The following SPATA31C1 variants were observed in gnomAD, a reference collection of about 807,000 sequenced individuals.
The protein encoded by SPATA31C1 is spermatogenesis-associated protein 31C1.
At chr9:87,915,597 G>A (rs1219064912) in intron 1 of SPATA31C1, among the ~76,000 whole-genome samples, 7 of 145,398 alleles carry the variant, frequency 4.8e-5, no homozygotes, top group African/African-American at 1.8e-4. Context: ...CACCGCGCCC[G>A]GCTGATCCTT....
In SPATA31C1 at chr9:87,920,569, A is replaced by G. The variant is rs202077057; in HGVS notation, n.959A>G. 1.9e-4 allele frequency: 299 copies of G among 1,612,308 alleles called. 2 individuals carry two copies. In the African/African-American group the frequency reaches 2.8e-3, roughly 15 times the overall value. ...CCTGCACTTTTCCCTCACCCACCAC[A>G]CACCCCTGATCCTCTGGCCTGCTCT... is the stretch of plus-strand genomic sequence containing the variant. On this transcript the variant is annotated non_coding_transcript_exon_variant, in exon 5 of 5. Transcript: ENST00000420021.
chr9:87,919,127 G>A lies in SPATA31C1; in HGVS notation n.523-164G>A, dbSNP rs769828859. ...ATCATCCATTTAAACATGAGTGGGAGGGGAGAAAGCACACAGAGCTCCCTG... is the reference window on the plus strand; with the variant it reads ...ATCATCCATTTAAACATGAGTGGGAAGGGAGAAAGCACACAGAGCTCCCTG... On this transcript the variant is annotated intron_variant and non_coding_transcript_variant, in intron 2 of 4. Transcript: ENST00000420021. 60 of 1,387,592 alleles carry A rather than the reference G, an allele frequency of 4.3e-5. No homozygotes were observed. The African/African-American group carries it at 6.3e-4, about 15-fold the overall frequency. The allele number at this position is 1,387,592 out of a possible 1,614,324, so 86.0% of individuals were successfully genotyped here.
intron 2 of SPATA31C1, 114 bp from the exon 2 acceptor site, chr9:87,919,141 C>G (rs1488734644): frequency 6.7e-7 from 1 of 1,489,780 alleles, no homozygotes; most frequent in Non-Finnish European, 9.2e-7. Flanking sequence ...AGAAAGCACA[C>G]AGAGCTCCCT....
chr9:87,921,135 A>G lies in SPATA31C1; in HGVS notation n.1525A>G, dbSNP rs1336454988. 4 of 1,611,704 alleles carry G rather than the reference A, an allele frequency of 2.5e-6. No individual in the cohort carries two copies. In the South Asian group the frequency reaches 3.3e-5, roughly 13 times the overall value. The stretch of plus-strand genomic sequence containing the variant: ...GCACCCTGAAAGGCCTTTGTTGAGG[A>G]AACAACTAGAAGGTGGGTTGGCTTT... On this transcript the variant is annotated non_coding_transcript_exon_variant, in exon 5 of 5. Transcript: ENST00000420021.
chr9:87,922,610 G>T (rs1261637805), exon 5 of SPATA31C1: 3 of 1,609,018 alleles, frequency 1.9e-6, no homozygotes, highest in East Asian at 2.2e-5. Context: ...CAGAGAATTT[G>T]GCTTCTCAAG....
rs1472058068 is a variant in SPATA31C1, at chr9:87,915,727, T to C, written n.189+1017T>C. On this transcript the variant is annotated intron_variant and non_coding_transcript_variant, in intron 1 of 4. Transcript: ENST00000420021. ...GCACTTTTTTCAAAAGTCAGTTGGT[T>C]GTACTTGTATGGAACTATTTCTGAG... is the stretch of plus-strand genomic sequence containing the variant. Among the ~76,000 whole-genome samples, 6 of 143,434 alleles carry C rather than the reference T, an allele frequency of 4.2e-5. 1 individual carries two copies. Among genetic ancestry groups the C allele is most frequent in the African/African-American group, 1.3e-4 (5 of 39,402 alleles). The allele number at this position is 143,434 out of a possible 152,430, so 94.1% of individuals were successfully genotyped here. A position where few individuals can be genotyped will look rare whatever the true frequency, so the allele number is the denominator to read the frequency against.
intron 1 of SPATA31C1, among the ~76,000 whole-genome samples, chr9:87,916,395 T>C (rs1373507176): frequency 6.7e-6 from 1 of 148,254 alleles, no homozygotes; most frequent in African/African-American, 2.5e-5. Context: ...TAATTGGATG[T>C]TATCAAAATT....
chr9:87,920,311 C>T (rs1467273369), exon 5 of SPATA31C1: 1 of 1,613,946 alleles, frequency 6.2e-7, no homozygotes, highest in Non-Finnish European at 8.5e-7. Context: ...CCAGACCCGC[C>T]AGGTGAGGTG....
intron 1 of SPATA31C1, among the ~76,000 whole-genome samples, chr9:87,915,291 C>CTGTG (rs1165549342): frequency 7.8e-6 from 1 of 128,862 alleles, no homozygotes; most frequent in Non-Finnish European, 1.7e-5. Flanking sequence ...TTGAAAATCC[C>CTGTG]TGTGTGTGTG....
Position 87,921,351 on chromosome 9 carries a change from T to C in SPATA31C1, n.1741T>C, listed in dbSNP as rs543748743. 2.4e-5 allele frequency: 39 copies of C among 1,611,912 alleles called. 1 individual carries two copies. The African/African-American group carries it at 3.5e-4, about 14-fold the overall frequency. On this transcript the variant is annotated non_coding_transcript_exon_variant, in exon 5 of 5. Transcript: ENST00000420021. ...GGATCTGATGCAGCTTCAGGATGAA[T>C]TGCCAGGGACAAGTCAGGCCAAGGG... is the stretch of plus-strand genomic sequence containing the variant.
At chr9:87,920,789 G>A in exon 5 of SPATA31C1, 1 of 1,613,906 alleles carries the variant, frequency 6.2e-7, no homozygotes, top group Non-Finnish European at 8.5e-7. Context: ...CCCTCTCCTG[G>A]TCGCAGGAGA....
exon 4 of SPATA31C1, chr9:87,919,957 C>A (rs1458602799): frequency 1.9e-6 from 3 of 1,607,866 alleles, no homozygotes; most frequent in Non-Finnish European, 2.5e-6. Context: ...GACTTGGGAC[C>A]TGCTTTCACA....
At chr9:87,921,712 T>G in exon 5 of SPATA31C1, 1 of 1,612,048 alleles carries the variant, frequency 6.2e-7, no homozygotes, top group Non-Finnish European at 8.5e-7. Context: ...CCCGTGAGTG[T>G]GCGTCGATCC....
chr9:87,920,618 T>C (rs746618972), exon 5 of SPATA31C1: 1 of 1,613,608 alleles, frequency 6.2e-7, no homozygotes, highest in South Asian at 1.1e-5. Flanking sequence ...AAGGCTTCAC[T>C]CCTCCTCCCC....
Position 87,921,539 on chromosome 9 carries a change from G to A in SPATA31C1, n.1929G>A, listed in dbSNP as rs772333266. 10 of 1,611,894 alleles carry A rather than the reference G, an allele frequency of 6.2e-6. No individual in the cohort carries two copies. In the Admixed American group the frequency reaches 1.7e-4, roughly 27 times the overall value. Reference sequence around the variant, plus strand: ...GGGGCATGGAAAGCTTCCCAGGGAAGGTTCTGGGGGCGACCTCTGAGGAGT... The same window carrying A: ...GGGGCATGGAAAGCTTCCCAGGGAAAGTTCTGGGGGCGACCTCTGAGGAGT... On this transcript the variant is annotated non_coding_transcript_exon_variant, in exon 5 of 5. Transcript: ENST00000420021.
At chr9:87,922,041 C>G (rs146123449) in exon 5 of SPATA31C1, 1 of 1,613,550 alleles carries the variant, frequency 6.2e-7, no homozygotes, top group Admixed American at 1.7e-5. Flanking sequence ...GGTGGCCACG[C>G]TCCTTGGAGA....
At chr9:87,916,436 A>G (rs1213042916) in intron 1 of SPATA31C1, among the ~76,000 whole-genome samples, 1 of 147,850 alleles carries the variant, frequency 6.8e-6, no homozygotes, top group African/African-American at 2.5e-5. Flanking sequence ...AGAGCCTGTT[A>G]ATAAAAAGAC....
chr9:87,920,401 C>G (rs1291340422), exon 5 of SPATA31C1: 1 of 1,613,990 alleles, frequency 6.2e-7, no homozygotes, highest in East Asian at 2.2e-5. Flanking sequence ...TCCCCGTTAG[C>G]TTCCCCGGAT....
exon 5 of SPATA31C1, chr9:87,923,428 A>G (rs777168240): frequency 2.1e-5 from 33 of 1,600,976 alleles, no homozygotes; most frequent in Non-Finnish European, 2.4e-5. Context: ...AGTCCCCCTC[A>G]GCACCGGCCG....
Sources: gnomAD v4.1 joint callset for allele counts (sites outside exome capture counted in the v4.1 genomes callset) on GRCh38, gnomAD v4.1.1 for gene constraint, MANE v1.5 for transcripts, NCBI Gene and HGNC (gene_info 2026-07-23, HGNC 2026-07-21) for gene names.